The following UNC13C variants were observed in gnomAD, a reference collection of about 807,000 sequenced individuals.
UNC13C encodes unc-13 homolog C.
In UNC13C, 174 loss-of-function variants were observed where a neutral mutation model predicts 245.4. That is an observed-to-expected ratio of 0.71 (90% CI 0.63 to 0.80). UNC13C has a LOEUF of 0.80. Among genes scored for constraint, UNC13C ranks in the 30% least tolerant of loss-of-function variants. The probability of loss-of-function intolerance (pLI) is 0.00; values close to 1 mark genes in which losing one functional copy is unlikely to be tolerated. For synonymous variants in UNC13C, 992 were observed against 895.1 expected, an observed-to-expected ratio of 1.11 and a Z score of -1.93; for missense variants, 2,829 against 2,602.9, an observed-to-expected ratio of 1.09 and a Z score of -1.89.
intron 2 of UNC13C, among the ~76,000 whole-genome samples, chr15:54,124,128 T>A (rs2141200249): frequency 6.6e-6 from 1 of 152,342 alleles, no homozygotes; most frequent in South Asian, 2.1e-4. Context: ...ATTTCCAGTT[T>A]GGGTTATTAA....
At chr15:54,082,803 C>T (rs936633036) in intron 2 of UNC13C, among the ~76,000 whole-genome samples, 1 of 151,942 alleles carries the variant, frequency 6.6e-6, no homozygotes, top group Non-Finnish European at 1.5e-5. Flanking sequence ...TATAATCATC[C>T]GGTTTTGTTT....
chr15:54,179,549 T>C (rs7173417), intron 4 of UNC13C, among the ~76,000 whole-genome samples: 21,541 of 151,876 alleles, frequency 0.14, 2,852 homozygotes, highest in African/African-American at 0.34. Context: ...ACTATAAATA[T>C]AATTAGAGAT....
intron 19 of UNC13C, among the ~76,000 whole-genome samples, chr15:54,451,036 T>C (rs1891144515): frequency 1.3e-5 from 2 of 152,186 alleles, no homozygotes; most frequent in Admixed American, 1.3e-4. Context: ...TTCTTTTTCT[T>C]TTCAGCACTT....
intron 2 of UNC13C, among the ~76,000 whole-genome samples, chr15:54,106,941 T>C (rs1900477723): frequency 6.6e-6 from 1 of 152,264 alleles, no homozygotes; most frequent in Non-Finnish European, 1.5e-5. Context: ...TGCTCTTATA[T>C]GTTCCCTGCT....
At chr15:53,846,573 A>T in the UNC13C span, among the ~76,000 whole-genome samples, 2 of 152,186 alleles carry the variant, frequency 1.3e-5, no homozygotes, top group African/African-American at 4.8e-5. Context: ...ATGGGAATTA[A>T]ATAAATTTTT....
At chr15:53,907,080 GA>G in the UNC13C span, among the ~76,000 whole-genome samples, 2 of 152,154 alleles carry the variant, frequency 1.3e-5, no homozygotes, top group Non-Finnish European at 2.9e-5. Flanking sequence ...CAACACAGAA[GA>G]GATTGTTTTT....
chr15:53,855,828 C>G, the UNC13C span, among the ~76,000 whole-genome samples: 3 of 152,162 alleles, frequency 2.0e-5, no homozygotes, highest in Non-Finnish European at 4.4e-5. Flanking sequence ...AGAGGAGTCC[C>G]TCCTTTTCAA....
In UNC13C at chr15:54,264,347, A is replaced by G; in HGVS notation, c.3628A>G (p.Ser1210Gly). 1.2e-6 allele frequency: 2 copies of G among 1,606,212 alleles called. No individual in the cohort carries two copies. Among genetic ancestry groups the G allele is most frequent in the Non-Finnish European group, 1.7e-6 (2 of 1,175,978 alleles). Residue 1210 changes from serine (S) to glycine (G), a missense_variant, in exon 9 of 33, where the codon AGT (serine) becomes GGT (glycine). By Grantham distance (56) the Ser-to-Gly change is moderately conservative. Coordinates refer to ENST00000260323, the MANE Select transcript of UNC13C (RefSeq NM_001080534.3). Reference sequence around the variant, plus strand: ...GCAGTTTACAAAGGCGGCCAAACAGAGTGTACTGGATGGGACATCTAAGTG... The same window carrying G: ...GCAGTTTACAAAGGCGGCCAAACAGGGTGTACTGGATGGGACATCTAAGTG... The part of the protein sequence containing the change: ...FVQFTKAAKQ[S>G]VLDGTSKWSA...
At chr15:54,541,100 CA>C (rs1896223605) in intron 26 of UNC13C, among the ~76,000 whole-genome samples, 1 of 152,044 alleles carries the variant, frequency 6.6e-6, no homozygotes, top group Non-Finnish European at 1.5e-5. Flanking sequence ...ATACATGCCT[CA>C]GGGGTCCCCA....
intron 2 of UNC13C, among the ~76,000 whole-genome samples, chr15:54,087,225 A>T (rs986671664): frequency 8.6e-4 from 130 of 151,374 alleles, no homozygotes; most frequent in Middle Eastern, 3.4e-3. Flanking sequence ...CAGTTTTTTT[A>T]AAAAAAATAA....
At chr15:54,376,625 G>T (rs563831926) in intron 17 of UNC13C, among the ~76,000 whole-genome samples, 6 of 152,176 alleles carry the variant, frequency 3.9e-5, no homozygotes, top group African/African-American at 1.2e-4. Context: ...CTCGAAGGTA[G>T]TTTATTTGAG....
downstream of UNC13C, chr15:54,629,450 A>AGTT (rs1465877673): frequency 1.3e-5 from 2 of 152,182 alleles, no homozygotes; most frequent in Non-Finnish European, 2.9e-5. Flanking sequence ...TTTAAAAAAA[A>AGTT]GTTCAGATGT....
chr15:54,336,719 A>G (rs1411052599), intron 16 of UNC13C, among the ~76,000 whole-genome samples: 1 of 152,100 alleles, frequency 6.6e-6, no homozygotes, highest in Non-Finnish European at 1.5e-5. Flanking sequence ...AGCAGCATTT[A>G]TTAGAAAGAT....
chr15:54,383,548 C>G (rs1305633692), intron 17 of UNC13C, among the ~76,000 whole-genome samples: 1 of 151,852 alleles, frequency 6.6e-6, no homozygotes, highest in Non-Finnish European at 1.5e-5. Context: ...TATGATAAAC[C>G]CACGCTAACA....
intron 18 of UNC13C, among the ~76,000 whole-genome samples, chr15:54,396,737 C>G (rs1009120313): frequency 1.3e-5 from 2 of 151,442 alleles, no homozygotes; most frequent in East Asian, 3.9e-4. Flanking sequence ...CATATATTAT[C>G]TAACTATGAT....
the UNC13C span, among the ~76,000 whole-genome samples, chr15:53,868,133 C>T: frequency 6.6e-6 from 1 of 152,190 alleles, no homozygotes; most frequent in South Asian, 2.1e-4. Context: ...CCATTCCTGG[C>T]CACAAGCTTT....
chr15:54,250,547 A>C (rs1596083648), intron 8 of UNC13C, 103 bp downstream of exon 8: 1 of 1,057,354 alleles, frequency 9.5e-7, no homozygotes, highest in South Asian at 1.7e-5. Flanking sequence ...AAGAAATCCT[A>C]CCCGCTCCCC....
At chr15:54,129,251 G>T (rs968762432) in intron 2 of UNC13C, among the ~76,000 whole-genome samples, 1 of 152,046 alleles carries the variant, frequency 6.6e-6, no homozygotes, top group African/African-American at 2.4e-5. Flanking sequence ...GGCCAGATGC[G>T]TACATATGTA....
At chr15:54,215,295 CA>C (rs1383489752) in intron 4 of UNC13C, among the ~76,000 whole-genome samples, 2 of 151,762 alleles carry the variant, frequency 1.3e-5, no homozygotes, top group African/African-American at 4.8e-5. Context: ...CTCATTATAC[CA>C]AAAACCTAGG....
Sources: allele counts gnomAD v4.1 joint callset (sites outside exome capture counted in the v4.1 genomes callset), GRCh38; gene constraint gnomAD v4.1.1; transcripts MANE v1.5; gene names NCBI Gene and HGNC (gene_info 2026-07-23, HGNC 2026-07-21).